The following PDYN variants were observed in gnomAD, a reference collection of about 807,000 sequenced individuals.
PDYN encodes prodynorphin, also known as proenkephalin-B.
In PDYN, 5 loss-of-function variants were observed where a neutral mutation model predicts 11.4. That is an observed-to-expected ratio of 0.44 (90% CI 0.23 to 0.92). PDYN has a LOEUF of 0.92. Among genes scored for constraint, PDYN ranks in the 40% least tolerant of loss-of-function variants. The pLI, the probability that PDYN is intolerant of heterozygous loss-of-function variation, is 0.24. For missense variants in PDYN, 337 were observed against 317.3 expected, an observed-to-expected ratio of 1.06 and a Z score of -0.47; for synonymous variants, 132 against 129.5, an observed-to-expected ratio of 1.02 and a Z score of -0.13.
intron 2 of PDYN, among the ~76,000 whole-genome samples, chr20:1,986,949 G>A (rs531525047): frequency 6.6e-6 from 1 of 152,314 alleles, no homozygotes; most frequent in South Asian, 2.1e-4. Context: ...CCTCTTCCAG[G>A]AAGTCTATCT....
intron 3 of PDYN, 136 bp from the exon 4 acceptor site, chr20:1,981,094 C>A (rs1987750731): frequency 2.2e-6 from 2 of 913,328 alleles, no homozygotes; most frequent in Non-Finnish European, 3.4e-6. Context: ...CATGTTCATA[C>A]TACTGGTGGT....
intron 2 of PDYN, among the ~76,000 whole-genome samples, chr20:1,987,390 A>T (rs1431093212): frequency 6.6e-6 from 1 of 152,228 alleles, no homozygotes; most frequent in Non-Finnish European, 1.5e-5. Flanking sequence ...CATTTAAAAA[A>T]ATCTCAATTT....
At chr20:1,991,748 G>A (rs1287582295) in intron 2 of PDYN, among the ~76,000 whole-genome samples, 2 of 152,196 alleles carry the variant, frequency 1.3e-5, no homozygotes, top group Non-Finnish European at 2.9e-5. Flanking sequence ...TACAATGATG[G>A]AAGAGATCTA....
At chr20:1,985,243 G>T (rs1047759280) in intron 2 of PDYN, among the ~76,000 whole-genome samples, 3 of 152,134 alleles carry the variant, frequency 2.0e-5, no homozygotes, top group Non-Finnish European at 4.4e-5. Context: ...GTTAAAGCAT[G>T]CAGTAGGCTC....
intron 2 of PDYN, among the ~76,000 whole-genome samples, chr20:1,984,565 C>A (rs2122352478): frequency 6.6e-6 from 1 of 152,248 alleles, no homozygotes; most frequent in South Asian, 2.1e-4. Flanking sequence ...TCCATAAATT[C>A]TTGGCAGATG....
At chr20:1,992,279 T>C (rs940138428) in intron 2 of PDYN, among the ~76,000 whole-genome samples, 3 of 152,188 alleles carry the variant, frequency 2.0e-5, no homozygotes, top group African/African-American at 7.2e-5. Flanking sequence ...GAGACACACG[T>C]GTAGATGACA....
chr20:1,990,473 C>T (rs911829823), intron 2 of PDYN, among the ~76,000 whole-genome samples: 3 of 152,134 alleles, frequency 2.0e-5, no homozygotes, highest in Admixed American at 6.5e-5. Flanking sequence ...GTGTTAGCAT[C>T]GTAACGAAAG....
Position 1,978,907 on chromosome 20 carries a change from T to A in PDYN, c.*1416A>T, listed in dbSNP as rs1987541016. 1 of 152,200 alleles carries A rather than the reference T, an allele frequency of 6.6e-6. No individual in the cohort carries two copies. Among genetic ancestry groups the A allele is most frequent in the Admixed American group, 6.5e-5 (1 of 15,276 alleles). The allele number at this position is 152,200 out of a possible 1,614,324, so 9.4% of individuals were successfully genotyped here. On this transcript the variant is annotated 3_prime_UTR_variant, in exon 4 of 4. Coordinates refer to ENST00000217305, the MANE Select transcript of PDYN (RefSeq NM_024411.5). ...AAAACAATCTATCCATTTCAGAACA[T>A]CATCAGATACCTGGGGACTGCGCAT...
At chr20:1,981,826 T>G (rs969814827) in intron 3 of PDYN, among the ~76,000 whole-genome samples, 1 of 151,712 alleles carries the variant, frequency 6.6e-6, no homozygotes, top group Non-Finnish European at 1.5e-5. Context: ...CTCGGGAGGC[T>G]GATGTACAAG....
rs956431067 is a variant in PDYN at position 1,980,197 on chromosome 20, G to A, written c.*126C>T. ...CGCAGAAGAGAGATAGGCTGGGCTT[G>A]GATATTTTGTACACAATGCTGAGCT... On this transcript the variant is annotated 3_prime_UTR_variant, in exon 4 of 4. Transcript: ENST00000217305. 2 of 978,314 alleles carry A rather than the reference G, an allele frequency of 2.0e-6. No individual in the cohort carries two copies. The highest frequency in any genetic ancestry group is 3.2e-5 in the African/African-American group (2 of 62,358). 60.6% of individuals were successfully genotyped at this position (978,314 alleles called of 1,614,324 possible).
rs548429414 is a variant in PDYN, at chr20:1,981,880, A to G, written c.130-922T>C. On this transcript the variant is annotated intron_variant, in intron 3 of 3. Transcript: ENST00000217305. ...GGCGGAAGTTGCAGTGAGCTGTGAT[A>G]GTGCCACTGCACTCCAGCCTGGGCA... is the stretch of plus-strand genomic sequence containing the variant. 8.6e-5 allele frequency among the ~76,000 whole-genome samples: 13 copies of G among 150,322 alleles called. No homozygotes were observed. The East Asian group carries it at 2.6e-3, about 30-fold the overall frequency.
chr20:1,990,935 T>G (rs1280461342), intron 2 of PDYN, among the ~76,000 whole-genome samples: 7 of 93,640 alleles, frequency 7.5e-5, no homozygotes, highest in African/African-American at 1.8e-4. Context: ...CAGAGAGAGG[T>G]GGAGGACCAT....
chr20:1,989,762 C>T (rs139094352), intron 2 of PDYN, among the ~76,000 whole-genome samples: 6 of 152,264 alleles, frequency 3.9e-5, no homozygotes, highest in East Asian at 1.9e-4. Flanking sequence ...TCATGAGTCA[C>T]GAGGGAAATG....
At chr20:1,985,655 C>T (rs1300086725) in intron 2 of PDYN, among the ~76,000 whole-genome samples, 2 of 152,124 alleles carry the variant, frequency 1.3e-5, no homozygotes, top group African/African-American at 2.4e-5. Flanking sequence ...CATAGCAATT[C>T]GAGGCATAAG....
chr20:1,989,363 G>T (rs1988333527), intron 2 of PDYN, among the ~76,000 whole-genome samples: 1 of 152,116 alleles, frequency 6.6e-6, no homozygotes, highest in Admixed American at 6.5e-5. Context: ...AGAGGGAAAG[G>T]CATGGGCTCT....
chr20:1,990,238 A>G (rs573791592), intron 2 of PDYN, among the ~76,000 whole-genome samples: 4 of 152,340 alleles, frequency 2.6e-5, no homozygotes, highest in African/African-American at 9.6e-5. Flanking sequence ...GAAACAGCAG[A>G]ATAAGATTTC....
rs768552568 is a variant in PDYN at position 1,980,395 on chromosome 20, C to A, written c.693G>T (p.Arg231=). 47 of 1,614,052 alleles carry A rather than the reference C, an allele frequency of 2.9e-5. No homozygotes were observed. Among genetic ancestry groups the A allele is most frequent in the Non-Finnish European group, 3.7e-5 (44 of 1,180,034 alleles). The change falls in exon 4 of 4, where the codon CGG becomes CGT. Residue 231 remains arginine (R), a synonymous_variant. Transcript: ENST00000217305. The part of the protein sequence containing the change: ...DNQKRYGGFL[R]RQFKVVTRSQ... Reference sequence around the variant, plus strand: ...ACCGAGTCACCACCTTGAACTGGCGCCGGAGAAAACCGCCATAGCGCTTCT... The same window carrying A: ...ACCGAGTCACCACCTTGAACTGGCGACGGAGAAAACCGCCATAGCGCTTCT...
In PDYN at chr20:1,983,006, A is replaced by C. The variant is rs777869890; in HGVS notation, c.79T>G (p.Ser27Ala). Residue 27 changes from serine (S) to alanine (A), a missense_variant, in exon 3 of 4, where the codon TCC (serine) becomes GCC (alanine). Coordinates refer to ENST00000217305, the MANE Select transcript of PDYN (RefSeq NM_024411.5). ...TCCTGGGTCTTTACAGCACACAAGG[A>C]GCACCGCGACAGGCAGTCCGCTGTG... ...STTADCLSRC[S>A]LCAVKTQDGP... The C allele has an allele frequency of 1.9e-6, 3 of 1,613,974 alleles. No individual in the cohort carries two copies. Among genetic ancestry groups the C allele is most frequent in the Non-Finnish European group, 2.5e-6 (3 of 1,180,006 alleles).
rs947395569 is a variant in PDYN at position 1,992,607 on chromosome 20, C to T, written c.-43G>A. ...ACCGGCTTGGGCTGCTGCAACAGCT[C>T]CCCCCACGCAGATCTCAAAGCCTGA... On this transcript the variant is annotated 5_prime_UTR_variant, in exon 2 of 4. Coordinates refer to ENST00000217305, the MANE Select transcript of PDYN (RefSeq NM_024411.5). The T allele has an allele frequency of 3.3e-5, 5 of 152,158 alleles. No individual in the cohort carries two copies. The highest frequency in any genetic ancestry group is 1.2e-4 in the African/African-American group (5 of 41,404). The allele number at this position is 152,158 out of a possible 1,614,324, so 9.4% of individuals were successfully genotyped here. A position where few individuals can be genotyped will look rare whatever the true frequency, so the allele number is the denominator to read the frequency against.
Sources: allele counts gnomAD v4.1 joint callset (sites outside exome capture counted in the v4.1 genomes callset), GRCh38; gene constraint gnomAD v4.1.1; transcripts MANE v1.5; gene names NCBI Gene and HGNC (gene_info 2026-07-23, HGNC 2026-07-21).